Variants in KCNC1 observed in about 807,000 individuals in gnomAD.
The protein encoded by KCNC1 is voltage-gated potassium channel KCNC1.
Under a neutral mutation model 43.4 loss-of-function variants are expected in KCNC1, and 8 were observed. That is an observed-to-expected ratio of 0.18 (90% CI 0.11 to 0.33). The LOEUF (loss-of-function observed/expected upper bound fraction) is 0.33. Among genes scored for constraint, KCNC1 ranks in the 10% least tolerant of loss-of-function variants. The pLI is 1.00. For synonymous variants in KCNC1, 361 were observed against 360.5 expected (o/e 1.00, Z -0.01); for missense variants, 420 against 836.0 (o/e 0.50, Z 6.14).
intron 1 of KCNC1, among the ~76,000 whole-genome samples, chr11:17,746,119 C>A (rs1034138092): frequency 1.3e-5 from 2 of 152,168 alleles, no homozygotes; most frequent in Admixed American, 1.3e-4. Flanking sequence ...TGCATTTGAA[C>A]CTGTTCCTAG....
chr11:17,736,129 C>T lies in KCNC1; in HGVS notation c.127C>T (p.His43Tyr). The change falls in exon 1 of 4, where the codon CAC (histidine) becomes TAC (tyrosine). Residue 43 changes from histidine (H) to tyrosine (Y), a missense_variant. By Grantham distance (83) the His-to-Tyr change is moderately conservative. Coordinates refer to ENST00000265969, the MANE Select transcript of KCNC1 (RefSeq NM_001112741.2). The surrounding 1 kb of genome is among the most constrained non-coding windows in gnomAD (Gnocchi z 9.3). ...CGCCTGGCTGGCGGAGCCCGACGCC[C>T]ACAGCCACTTCGACTATGACCCGCG... ...RLAWLAEPDA[H>Y]SHFDYDPRAD... The T allele has an allele frequency of 6.2e-7, 1 of 1,612,394 alleles. No homozygotes were observed. Among genetic ancestry groups the T allele is most frequent in the South Asian group, 1.1e-5 (1 of 91,018 alleles).
At chr11:17,751,209 C>T (rs562316588) in intron 1 of KCNC1, among the ~76,000 whole-genome samples, 17 of 152,172 alleles carry the variant, frequency 1.1e-4, no homozygotes, top group Non-Finnish European at 2.5e-4. Context: ...TGCCAGTGTT[C>T]CTTCTGGCTC....
In KCNC1 at chr11:17,782,698, C is replaced by A. The variant is rs961855261; in HGVS notation, c.*964C>A. ...CCTGCATGCCCAATGTTATGCAAAG[C>A]GATTCTAGCATGAAATAAATTTTGT... On this transcript the variant is annotated 3_prime_UTR_variant, in exon 4 of 4. Transcript: ENST00000265969. 3 of 152,136 alleles carry A rather than the reference C, an allele frequency of 2.0e-5. No homozygotes were observed. The highest frequency in any genetic ancestry group is 7.2e-5 in the African/African-American group (3 of 41,410). The allele number at this position is 152,136 out of a possible 1,614,324, so 9.4% of individuals were successfully genotyped here.
chr11:17,758,088 G>C (rs891497726), intron 1 of KCNC1, among the ~76,000 whole-genome samples: 3 of 152,184 alleles, frequency 2.0e-5, no homozygotes, highest in Admixed American at 6.5e-5. Flanking sequence ...CTCAAACCCT[G>C]CTGCTGCTTT....
chr11:17,770,412 G>A (rs1039784321), intron 1 of KCNC1, among the ~76,000 whole-genome samples: 1 of 152,232 alleles, frequency 6.6e-6, no homozygotes, highest in African/African-American at 2.4e-5. Flanking sequence ...CCCTGAGAGA[G>A]GGCTGACTGG....
intron 2 of KCNC1, chr11:17,775,281 T>TGCCCC: frequency 2.8e-4 from 266 of 934,616 alleles, no homozygotes; most frequent in South Asian, 3.5e-4. Context: ...TCTGAGGGCA[T>TGCCCC]CCCTCCCGCC....
chr11:17,781,917 G>A lies in KCNC1; in HGVS notation c.*183G>A. ...CGGCCAAATGGTAACTGACCGTAGA[G>A]GATTTCTTTTCCTTCTTTTCATTTT... On this transcript the variant is annotated 3_prime_UTR_variant, in exon 4 of 4. Coordinates refer to ENST00000265969, the MANE Select transcript of KCNC1 (RefSeq NM_001112741.2). This position sits in a 1 kb window ranked among gnomAD's most constrained non-coding sequence, Gnocchi z 5.1. The A allele has an allele frequency of 2.2e-6, 1 of 463,528 alleles. No homozygotes were observed. The highest frequency in any genetic ancestry group is 3.8e-6 in the Non-Finnish European group (1 of 262,020). 28.7% of individuals were successfully genotyped at this position (463,528 alleles called of 1,614,324 possible).
chr11:17,767,569 G>A (rs892203721), intron 1 of KCNC1, among the ~76,000 whole-genome samples: 15 of 152,326 alleles, frequency 9.8e-5, no homozygotes, highest in Middle Eastern at 3.4e-3. Context: ...TGCTCCGGCT[G>A]TGCCTGTGGC....
rs754716959 is a variant in KCNC1 at position 17,779,164 on chromosome 11, C to T, written c.1505-292C>T. ...GCCCTGCTTGGGGCCCGGGGCCGGC[C>T]CCCAGCACCACACCTGCTGGATCCA... On this transcript the variant is annotated intron_variant, in intron 2 of 3. Coordinates refer to ENST00000265969, the MANE Select transcript of KCNC1 (RefSeq NM_001112741.2). This position sits in a 1 kb window ranked among gnomAD's most constrained non-coding sequence, Gnocchi z 7.2. 46 of 316,138 alleles carry T rather than the reference C, an allele frequency of 1.5e-4. No homozygotes were observed. Among genetic ancestry groups the T allele is most frequent in the Admixed American group, 4.8e-4 (10 of 21,050 alleles). 19.6% of individuals were successfully genotyped at this position (316,138 alleles called of 1,614,324 possible).
At position 17,777,118 on chromosome 11, in the gene KCNC1, T is replaced by G. The variant is rs1849296510; in HGVS notation, c.1505-2338T>G. On this transcript the variant is annotated intron_variant, in intron 2 of 3. Coordinates refer to ENST00000265969, the MANE Select transcript of KCNC1 (RefSeq NM_001112741.2). The surrounding 1 kb of genome is among the most constrained non-coding windows in gnomAD (Gnocchi z 4.3). ...CCATCCCGAACTTTGGGCCCTTTAG[T>G]GATTGTGAGAGCTGGGAGCCCCCAG... is the stretch of plus-strand genomic sequence containing the variant. 1 of 984,008 alleles carries G rather than the reference T, an allele frequency of 1.0e-6. No homozygotes were observed. Among genetic ancestry groups the G allele is most frequent in the African/African-American group, 1.8e-5 (1 of 56,798 alleles). The allele number at this position is 984,008 out of a possible 1,614,324, so 61.0% of individuals were successfully genotyped here.
In KCNC1 at chr11:17,771,751, G is replaced by T. The variant is rs1441363399; in HGVS notation, c.657G>T (p.Val219=). The T allele has an allele frequency of 6.8e-6, 11 of 1,614,236 alleles. No individual in the cohort carries two copies. The highest frequency in any genetic ancestry group is 9.3e-6 in the Non-Finnish European group (11 of 1,180,032). ...LETHERFNPI[V]NKTEIENVRN... ...CCCACGAGCGCTTCAACCCCATCGTGAACAAGACGGAGATCGAGAACGTTC... is the reference window on the plus strand; with the variant it reads ...CCCACGAGCGCTTCAACCCCATCGTTAACAAGACGGAGATCGAGAACGTTC... Residue 219 remains valine (V), a synonymous_variant, in exon 2 of 4, where the codon GTG becomes GTT. Coordinates refer to ENST00000265969, the MANE Select transcript of KCNC1 (RefSeq NM_001112741.2). This position sits in a 1 kb window ranked among gnomAD's most constrained non-coding sequence, Gnocchi z 4.7.
chr11:17,736,620 C>T lies in KCNC1; in HGVS notation c.570+48C>T, dbSNP rs1209450881. 15 of 1,449,894 alleles carry T rather than the reference C, an allele frequency of 1.0e-5. No homozygotes were observed. Among genetic ancestry groups the T allele is most frequent in the Non-Finnish European group, 1.2e-5 (13 of 1,108,394 alleles). The allele number at this position is 1,449,894 out of a possible 1,614,324, so 89.8% of individuals were successfully genotyped here. The stretch of plus-strand genomic sequence containing the variant: ...GAAGAGCGGGGCGGGAAGGCAGCGT[C>T]CTGTGCCTCCCCGCGGGCAGGGGTG... On this transcript the variant is annotated intron_variant, in intron 1 of 3. Coordinates refer to ENST00000265969, the MANE Select transcript of KCNC1 (RefSeq NM_001112741.2). This position sits in a 1 kb window ranked among gnomAD's most constrained non-coding sequence, Gnocchi z 9.3.
At chr11:17,740,738 G>A (rs767895811) in intron 1 of KCNC1, among the ~76,000 whole-genome samples, 3 of 152,068 alleles carry the variant, frequency 2.0e-5, no homozygotes, top group Non-Finnish European at 4.4e-5. Context: ...AGCTGGGGAA[G>A]CCCCACCTCC....
At chr11:17,763,822 C>T (rs1849110988) in intron 1 of KCNC1, among the ~76,000 whole-genome samples, 1 of 144,080 alleles carries the variant, frequency 6.9e-6, no homozygotes, top group South Asian at 2.3e-4. Flanking sequence ...CACACACCAC[C>T]TCACACATGC....
chr11:17,763,045 C>A (rs1164850235), intron 1 of KCNC1, among the ~76,000 whole-genome samples: 1 of 152,220 alleles, frequency 6.6e-6, no homozygotes, highest in Non-Finnish European at 1.5e-5. Context: ...GGAACCCCTG[C>A]CACCTCGGGA....
Position 17,739,387 on chromosome 11 carries a change from GT to G in KCNC1, c.570+2816del, listed in dbSNP as rs1848810981. Among the ~76,000 whole-genome samples the G allele has an allele frequency of 1.1e-5, 1 of 92,306 alleles. No individual in the cohort carries two copies. The highest frequency in any genetic ancestry group is 3.0e-5 in the African/African-American group (1 of 32,994). The allele number at this position is 92,306 out of a possible 152,430, so 60.6% of individuals were successfully genotyped here. A position where few individuals can be genotyped will look rare whatever the true frequency, so the allele number is the denominator to read the frequency against. ...CGTGTGTGTGTGTGTGTGTGTGTGT[GT>G]GTGTGTGTGTGGTGAGACTGCGACT... On this transcript the variant is annotated intron_variant, in intron 1 of 3. Coordinates refer to ENST00000265969, the MANE Select transcript of KCNC1 (RefSeq NM_001112741.2). The surrounding 1 kb of genome is among the most constrained non-coding windows in gnomAD (Gnocchi z 4.2).
rs946542816 is a variant in KCNC1, at chr11:17,773,993, C to T, written c.1504+1395C>T. ...GATGATTGATTTTCTTCCCTGCTATCGCGCTCTCTGACCCACCACCCCATC... is the reference window on the plus strand; with the variant it reads ...GATGATTGATTTTCTTCCCTGCTATTGCGCTCTCTGACCCACCACCCCATC... On this transcript the variant is annotated intron_variant, in intron 2 of 3. Coordinates refer to ENST00000265969, the MANE Select transcript of KCNC1 (RefSeq NM_001112741.2). This position sits in a 1 kb window ranked among gnomAD's most constrained non-coding sequence, Gnocchi z 4.1. 30 of 985,512 alleles carry T rather than the reference C, an allele frequency of 3.0e-5. No individual in the cohort carries two copies. The highest frequency in any genetic ancestry group is 5.2e-4 in the Middle Eastern group (1 of 1,916). The allele number at this position is 985,512 out of a possible 1,614,324, so 61.0% of individuals were successfully genotyped here. A position where few individuals can be genotyped will look rare whatever the true frequency, so the allele number is the denominator to read the frequency against.
In KCNC1 at chr11:17,779,572, G is replaced by A. The variant is rs896883949; in HGVS notation, c.1621G>A (p.Glu541Lys). Residue 541 changes from glutamate (E) to lysine (K), a missense_variant, in exon 3 of 4, where the codon GAG becomes AAG. By Grantham distance (56) the Glu-to-Lys change is moderately conservative. Transcript: ENST00000265969. The surrounding 1 kb of genome is among the most constrained non-coding windows in gnomAD (Gnocchi z 7.2). ...GLPFTRSGTRERYGPCFLLST... is the reference protein window; with the variant it reads ...GLPFTRSGTRKRYGPCFLLST... Reference sequence around the variant, plus strand: ...GCCCTTTACGCGCTCGGGCACCCGCGAGAGATACGGACCCTGCTTCCTCTT... The same window carrying A: ...GCCCTTTACGCGCTCGGGCACCCGCAAGAGATACGGACCCTGCTTCCTCTT... 35 of 1,551,444 alleles carry A rather than the reference G, an allele frequency of 2.3e-5. No homozygotes were observed. Among genetic ancestry groups the A allele is most frequent in the African/African-American group, 2.7e-5 (2 of 73,050 alleles).
intron 1 of KCNC1, among the ~76,000 whole-genome samples, chr11:17,769,530 A>T (rs1849198070): frequency 1.3e-5 from 2 of 151,544 alleles, no homozygotes; most frequent in Admixed American, 1.3e-4. Context: ...GGAAGGGAGG[A>T]TGATGTGCTG....
Sources: allele counts gnomAD v4.1 joint callset (sites outside exome capture counted in the v4.1 genomes callset), GRCh38; gene constraint gnomAD v4.1.1; non-coding constraint Gnocchi (gnomAD v3.1); transcripts MANE v1.5; gene names NCBI Gene and HGNC (gene_info 2026-07-23, HGNC 2026-07-21).